The following CCDC191 variants were observed in gnomAD, a reference collection of about 807,000 sequenced individuals.
CCDC191 encodes the protein coiled-coil domain containing 191.
A neutral mutation model predicts 114.0 loss-of-function variants in CCDC191; 99 were observed. The observed-to-expected ratio is 0.87, with a 90% CI of 0.74 to 1.03. The LOEUF is 1.03. Ranked by LOEUF, CCDC191 falls within the 50% of genes least tolerant of loss-of-function variation. The pLI is 0.00. For synonymous variants in CCDC191, 351 were observed against 376.0 expected, an observed-to-expected ratio of 0.93 and a Z score of 0.77; for missense variants, 973 against 1,087.0, an observed-to-expected ratio of 0.90 and a Z score of 1.47.
In CCDC191 at chr3:113,986,777, G is replaced by A. The variant is rs958933646; in HGVS notation, c.2164-5984C>T. ...TCCTTATAAGAAGCGATACCGTGGT[G>A]TGCTTGCTTGCTCTCTCTCGCATGC... On this transcript the variant is annotated intron_variant, in intron 13 of 16. Transcript: ENST00000295878. Among the ~76,000 whole-genome samples, 5 of 152,238 alleles carry A rather than the reference G, an allele frequency of 3.3e-5. No individual in the cohort carries two copies. In the East Asian group the frequency reaches 5.8e-4, roughly 18 times the overall value.
chr3:113,981,597 T>A (rs2107613862), intron 13 of CCDC191, among the ~76,000 whole-genome samples: 1 of 152,308 alleles, frequency 6.6e-6, no homozygotes, highest in East Asian at 1.9e-4. Context: ...CTTTGCAGCA[T>A]AAATACAAAA....
At chr3:114,037,737 T>A (rs943028230) in intron 4 of CCDC191, among the ~76,000 whole-genome samples, 4 of 152,176 alleles carry the variant, frequency 2.6e-5, no homozygotes, top group Admixed American at 6.6e-5. Flanking sequence ...CTATAAACTA[T>A]ATCCATCCTT....
At chr3:114,010,674 G>T in intron 9 of CCDC191, 98 bp downstream of exon 9, 1 of 1,213,670 alleles carries the variant, frequency 8.2e-7, no homozygotes, top group Non-Finnish European at 1.2e-6. Flanking sequence ...CTAATCTTCT[G>T]ATAGCCTAGA....
chr3:113,996,802 A>G (rs983395753), intron 13 of CCDC191, among the ~76,000 whole-genome samples: 3 of 150,950 alleles, frequency 2.0e-5, no homozygotes, highest in East Asian at 2.0e-4. Flanking sequence ...GTTCTCACTC[A>G]TAAGTGGGAG....
At chr3:114,048,981 C>T (rs2076666244) in intron 2 of CCDC191, among the ~76,000 whole-genome samples, 1 of 152,238 alleles carries the variant, frequency 6.6e-6, no homozygotes, top group South Asian at 2.1e-4. Flanking sequence ...TCCTCCTGCC[C>T]TTTATGGAAA....
rs548875481 is a variant in CCDC191, at chr3:114,001,754, C to A, written c.2062-58G>T. On this transcript the variant is annotated intron_variant, in intron 12 of 16. Coordinates refer to ENST00000295878, the MANE Select transcript of CCDC191 (RefSeq NM_020817.2). Reference sequence around the variant, plus strand: ...CCCTCAATTTGAACAGAAATGTGATCTTTTATGTTTAGGATAGTCAAGCGT... The same window carrying A: ...CCCTCAATTTGAACAGAAATGTGATATTTTATGTTTAGGATAGTCAAGCGT... The A allele has an allele frequency of 2.9e-5, 46 of 1,605,380 alleles. No homozygotes were observed. In the African/African-American group the frequency reaches 5.6e-4, roughly 20 times the overall value.
At chr3:113,994,744 C>G in intron 13 of CCDC191, among the ~76,000 whole-genome samples, 1 of 152,042 alleles carries the variant, frequency 6.6e-6, no homozygotes, top group South Asian at 2.1e-4. Context: ...TCACCACACC[C>G]GGCTAATTTC....
At chr3:114,038,872 A>T (rs976268764) in intron 4 of CCDC191, among the ~76,000 whole-genome samples, 1 of 152,128 alleles carries the variant, frequency 6.6e-6, no homozygotes, top group Non-Finnish European at 1.5e-5. Context: ...ACACACACTG[A>T]GGCCTGTCAT....
chr3:114,005,901 C>T lies in CCDC191; in HGVS notation c.1475G>A (p.Ser492Asn), dbSNP rs1412002102. ...TGTTGTTGTTCTTCCCAGGGGAGGA[C>T]TGAGCATACAACCACTGCTTCCCAA... The part of the protein sequence containing the change: ...PPLGSSGCML[S>N]PPLGRTTTGN... Residue 492 changes from serine (S) to asparagine (N), a missense_variant, in exon 10 of 17, where the codon AGT becomes AAT. Physicochemically the swap from Ser to Asn is conservative, Grantham distance 46. Coordinates refer to ENST00000295878, the MANE Select transcript of CCDC191 (RefSeq NM_020817.2). 1 of 1,614,078 alleles carries T rather than the reference C, an allele frequency of 6.2e-7. No homozygotes were observed. Among genetic ancestry groups the T allele is most frequent in the Admixed American group, 1.7e-5 (1 of 60,004 alleles).
chr3:113,993,544 T>TA (rs2075636262), intron 13 of CCDC191, among the ~76,000 whole-genome samples: 1 of 152,092 alleles, frequency 6.6e-6, no homozygotes. Flanking sequence ...AACGTCCATA[T>TA]AAAAAATAAA....
rs1388478593 is a variant in CCDC191, at chr3:114,002,477, TTTC to T, written c.2037_2039del (p.Lys681del). ...TTACCAATTTTTCTTCTTCTTGTTT[TTTC>T]TTCTTCTCTGCCAAGATCCGCCTAC... is the stretch of plus-strand genomic sequence containing the variant. On this transcript the variant is annotated inframe_deletion, in exon 12 of 17. Transcript: ENST00000295878. The T allele has an allele frequency of 1.9e-6, 3 of 1,610,240 alleles. No homozygotes were observed. Among genetic ancestry groups the T allele is most frequent in the Non-Finnish European group, 2.5e-6 (3 of 1,178,614 alleles).
intron 8 of CCDC191, among the ~76,000 whole-genome samples, chr3:114,016,209 T>C (rs549153008): frequency 6.6e-6 from 1 of 152,362 alleles, no homozygotes; most frequent in African/African-American, 2.4e-5. Context: ...TTTGTCAATC[T>C]GGTCAGAGCT....
At chr3:113,966,803 T>A (rs1330728824) in intron 16 of CCDC191, among the ~76,000 whole-genome samples, 1 of 151,814 alleles carries the variant, frequency 6.6e-6, no homozygotes, top group Non-Finnish European at 1.5e-5. Flanking sequence ...AGGTACTGCT[T>A]TAAAAAAAGG....
chr3:113,999,173 C>A (rs2075801004), intron 13 of CCDC191, among the ~76,000 whole-genome samples: 1 of 152,150 alleles, frequency 6.6e-6, no homozygotes, highest in Non-Finnish European at 1.5e-5. Flanking sequence ...GAGAATGGTA[C>A]ACTATTACCC....
intron 13 of CCDC191, among the ~76,000 whole-genome samples, chr3:113,985,688 C>T (rs1195732821): frequency 6.6e-6 from 1 of 152,142 alleles, no homozygotes; most frequent in Non-Finnish European, 1.5e-5. Flanking sequence ...CTCTGGGGAG[C>T]AGCACAAAAG....
intron 16 of CCDC191, among the ~76,000 whole-genome samples, chr3:113,970,690 G>T (rs1222656411): frequency 1.3e-5 from 2 of 151,986 alleles, no homozygotes; most frequent in Non-Finnish European, 1.5e-5. Flanking sequence ...TTAACATTAG[G>T]TATATCTCCT....
At chr3:114,002,660 T>A (rs2075877380) in intron 11 of CCDC191, 122 bp from the exon 12 acceptor site, 14 of 1,263,232 alleles carry the variant, frequency 1.1e-5, no homozygotes, top group Admixed American at 3.2e-5. Context: ...TCTTGTAAGT[T>A]GAATGTTCAC....
chr3:113,989,860 G>A (rs1214436245), intron 13 of CCDC191, among the ~76,000 whole-genome samples: 1 of 152,124 alleles, frequency 6.6e-6, no homozygotes, highest in Non-Finnish European at 1.5e-5. Flanking sequence ...GGTGGTGCAT[G>A]CCTGTAGTCT....
At chr3:114,006,591 TATATATATATATATATATATATATATAA>T (rs1559903075) in intron 9 of CCDC191, among the ~76,000 whole-genome samples, 2 of 129,704 alleles carry the variant, frequency 1.5e-5, no homozygotes, top group Admixed American at 7.5e-5. Flanking sequence ...ACTCCAGATA[TATATATATATATATATATATATATATAA>T]ATATATATAT....
Sources: gnomAD v4.1 joint callset for allele counts (sites outside exome capture counted in the v4.1 genomes callset) on GRCh38, gnomAD v4.1.1 for gene constraint, MANE v1.5 for transcripts, NCBI Gene and HGNC (gene_info 2026-07-23, HGNC 2026-07-21) for gene names.